Variants in WDFY3 observed in about 807,000 individuals in gnomAD.
WDFY3 encodes the protein WD repeat and FYVE domain containing 3, also known as WD repeat and FYVE domain-containing protein 3.
A neutral mutation model predicts 409.6 loss-of-function variants in WDFY3; 66 were observed. That is an observed-to-expected ratio of 0.16 (90% CI 0.13 to 0.20). The LOEUF (loss-of-function observed/expected upper bound fraction) is 0.20. Ranked by LOEUF, WDFY3 falls within the 10% of genes least tolerant of loss-of-function variation. The pLI, the probability that WDFY3 is intolerant of heterozygous loss-of-function variation, is 1.00. For synonymous variants in WDFY3, 1,521 were observed against 1,537.1 expected (o/e 0.99, Z 0.25); for missense variants, 3,031 against 4,298.1 (o/e 0.71, Z 8.24).
At chr4:84,888,287 C>T (rs1236660937) in intron 3 of WDFY3, among the ~76,000 whole-genome samples, 7 of 152,136 alleles carry the variant, frequency 4.6e-5, no homozygotes, top group Non-Finnish European at 7.3e-5. Context: ...TGCCTGTAAT[C>T]CCAGCACTTT....
intron 35 of WDFY3, among the ~76,000 whole-genome samples, chr4:84,753,275 T>A (rs2149308421): frequency 6.6e-6 from 1 of 152,332 alleles, no homozygotes; most frequent in East Asian, 1.9e-4. Context: ...TTCAACCCTA[T>A]AATTTATTGG....
chr4:84,673,481 T>C (rs566488116), intron 67 of WDFY3, among the ~76,000 whole-genome samples: 100 of 152,282 alleles, frequency 6.6e-4, no homozygotes, highest in African/African-American at 2.3e-3. Flanking sequence ...GTCTTCTAAT[T>C]TCCAAAAGAA....
rs1313859699 is a variant in WDFY3, at chr4:84,949,739, CCTAG to C, written c.-226+16466_-226+16469del. Among the ~76,000 whole-genome samples the C allele has an allele frequency of 2.0e-5, 3 of 152,226 alleles. No individual in the cohort carries two copies. In the East Asian group the frequency reaches 5.8e-4, roughly 29 times the overall value. On this transcript the variant is annotated intron_variant, in intron 1 of 67. Coordinates refer to ENST00000295888, the MANE Select transcript of WDFY3 (RefSeq NM_014991.6). Reference sequence around the variant, plus strand: ...CTCTGCTTTCTCTACAACCTTGATTCCTAGCTAAAGATCAAGCCACAGATGGGAT... The same window carrying C: ...CTCTGCTTTCTCTACAACCTTGATTCCTAAAGATCAAGCCACAGATGGGAT...
intron 3 of WDFY3, among the ~76,000 whole-genome samples, chr4:84,863,591 C>T (rs1056099737): frequency 6.6e-6 from 1 of 152,198 alleles, no homozygotes; most frequent in Non-Finnish European, 1.5e-5. Flanking sequence ...CTATGAGTTG[C>T]ATGAGTCCCT....
chr4:84,949,145 T>C (rs1288514436), intron 1 of WDFY3, among the ~76,000 whole-genome samples: 1 of 152,150 alleles, frequency 6.6e-6, no homozygotes, highest in African/African-American at 2.4e-5. Flanking sequence ...TAGTTACCTC[T>C]GCCCTACTCT....
At chr4:84,810,934 C>G (rs1752386178) in intron 13 of WDFY3, among the ~76,000 whole-genome samples, 2 of 152,078 alleles carry the variant, frequency 1.3e-5, no homozygotes, top group Non-Finnish European at 2.9e-5. Flanking sequence ...AAAAAGAAAA[C>G]AAGTAAATAA....
chr4:84,796,404 A>T, intron 19 of WDFY3, 117 bp downstream of exon 19: 1 of 586,718 alleles, frequency 1.7e-6, no homozygotes. Flanking sequence ...ATAATTAAAA[A>T]ATATTAAGTA....
At chr4:84,773,146 C>T (rs1186877772) in intron 29 of WDFY3, among the ~76,000 whole-genome samples, 1 of 151,836 alleles carries the variant, frequency 6.6e-6, no homozygotes. Flanking sequence ...TCCTTCACAG[C>T]ATACCACCAG....
At chr4:84,699,957 A>C (rs1255896035) in intron 56 of WDFY3, among the ~76,000 whole-genome samples, 1 of 150,918 alleles carries the variant, frequency 6.6e-6, no homozygotes, top group Non-Finnish European at 1.5e-5. Context: ...TGGATACTAG[A>C]TCCTTATTAG....
intron 3 of WDFY3, among the ~76,000 whole-genome samples, chr4:84,868,896 G>A (rs1761798081): frequency 6.6e-6 from 1 of 152,176 alleles, no homozygotes; most frequent in Non-Finnish European, 1.5e-5. Context: ...AACTTTGGAA[G>A]GCTGACCTGA....
intron 1 of WDFY3, among the ~76,000 whole-genome samples, chr4:84,950,265 G>T (rs1282194827): frequency 2.0e-5 from 3 of 152,000 alleles, no homozygotes; most frequent in South Asian, 4.2e-4. Context: ...GGGGGCAAGG[G>T]GAGGGAGAGC....
At chr4:84,925,110 G>A (rs1357996281) in intron 2 of WDFY3, among the ~76,000 whole-genome samples, 5 of 152,254 alleles carry the variant, frequency 3.3e-5, no homozygotes, top group Admixed American at 2.0e-4. Context: ...AGGTGCTGAG[G>A]ACTGTGATTT....
intron 3 of WDFY3, among the ~76,000 whole-genome samples, chr4:84,890,673 G>A (rs1037171088): frequency 6.6e-6 from 1 of 152,112 alleles, no homozygotes; most frequent in South Asian, 2.1e-4. Context: ...CTCAGTTAAG[G>A]GTCAGATAGC....
At chr4:84,721,050 A>G (rs1453678206) in intron 47 of WDFY3, among the ~76,000 whole-genome samples, 1 of 152,202 alleles carries the variant, frequency 6.6e-6, no homozygotes, top group Non-Finnish European at 1.5e-5. Flanking sequence ...AGCCGCTTGT[A>G]GGTTATTACT....
intron 19 of WDFY3, among the ~76,000 whole-genome samples, chr4:84,795,500 G>C (rs184885850): frequency 1.1e-4 from 17 of 152,318 alleles, no homozygotes; most frequent in Admixed American, 5.2e-4. Flanking sequence ...AGTGGCTCAC[G>C]CCTATAATCC....
At chr4:84,692,426 C>A (rs1407261307) in intron 59 of WDFY3, among the ~76,000 whole-genome samples, 3 of 151,570 alleles carry the variant, frequency 2.0e-5, no homozygotes, top group African/African-American at 7.3e-5. Flanking sequence ...GGGGAAAAAA[C>A]CTACTTGAAA....
In WDFY3 at chr4:84,826,955, G is replaced by C. The variant is rs1291088989; in HGVS notation, c.983C>G (p.Ser328Cys). Residue 328 changes from serine to cysteine, a missense_variant, in exon 10 of 68, where the codon TCC (serine) becomes TGC (cysteine). Coordinates refer to ENST00000295888, the MANE Select transcript of WDFY3 (RefSeq NM_014991.6). Reference protein sequence around the residue: ...LRLEQAKEAESKDALKDLVNL... With the variant: ...LRLEQAKEAECKDALKDLVNL... ...AACCAGATCTTTCAAGGCATCTTTG[G>C]ATTCTGCCTCTTTTGCTTGTTCCAA... 6.2e-7 allele frequency: 1 copy of C among 1,608,210 alleles called. No individual in the cohort carries two copies. Among genetic ancestry groups the C allele is most frequent in the Admixed American group, 1.7e-5 (1 of 58,364 alleles).
chr4:84,686,149 C>T (rs145717841), intron 62 of WDFY3, among the ~76,000 whole-genome samples: 2 of 151,918 alleles, frequency 1.3e-5, no homozygotes, highest in African/African-American at 4.8e-5. Flanking sequence ...ACTAAAAATA[C>T]AAAAAAATCA....
chr4:84,701,911 T>A (rs1022739801), intron 56 of WDFY3, among the ~76,000 whole-genome samples: 12 of 152,380 alleles, frequency 7.9e-5, no homozygotes, highest in African/African-American at 2.9e-4. Flanking sequence ...TGTACCACTC[T>A]TAGCTATTAA....
Sources: gnomAD v4.1 joint callset for allele counts (sites outside exome capture counted in the v4.1 genomes callset) on GRCh38, gnomAD v4.1.1 for gene constraint, MANE v1.5 for transcripts, NCBI Gene and HGNC (gene_info 2026-07-23, HGNC 2026-07-21) for gene names.